Variants in DAAM1 observed in about 807,000 individuals in gnomAD.
DAAM1 encodes the protein disheveled-associated activator of morphogenesis 1.
A neutral mutation model predicts 130.0 loss-of-function variants in DAAM1; 52 were observed. The observed-to-expected ratio is 0.40, with a 90% CI of 0.32 to 0.50. DAAM1 has a LOEUF of 0.50. Ranked by LOEUF, DAAM1 falls within the 20% of genes least tolerant of loss-of-function variation. DAAM1 has a pLI of 0.61. For synonymous variants in DAAM1, 452 were observed against 444.5 expected, an observed-to-expected ratio of 1.02 and a Z score of -0.21; for missense variants, 1,134 against 1,303.8, an observed-to-expected ratio of 0.87 and a Z score of 2.01.
At chr14:59,275,643 T>G (rs1236262983) in intron 2 of DAAM1, among the ~76,000 whole-genome samples, 1 of 152,172 alleles carries the variant, frequency 6.6e-6, no homozygotes, top group African/African-American at 2.4e-5. Flanking sequence ...GTAAAAAAGC[T>G]GAATAAAAAG....
At chr14:59,236,024 A>G (rs1443128883) in intron 1 of DAAM1, among the ~76,000 whole-genome samples, 3 of 152,186 alleles carry the variant, frequency 2.0e-5, no homozygotes, top group African/African-American at 7.2e-5. Flanking sequence ...AAAAAATCCC[A>G]TATTAAATGG....
At position 59,289,201 on chromosome 14, in the gene DAAM1, C is replaced by T. The variant is rs1178521847; in HGVS notation, c.184-2016C>T. Among the ~76,000 whole-genome samples, 3 of 152,266 alleles carry T rather than the reference C, an allele frequency of 2.0e-5. No individual in the cohort carries two copies. In the East Asian group the frequency reaches 5.8e-4, roughly 29 times the overall value. Reference sequence around the variant, plus strand: ...AAGTGCTGGGATTACAGGCATGAGCCACCACACCCGGCCCAACCACACACT... The same window carrying T: ...AAGTGCTGGGATTACAGGCATGAGCTACCACACCCGGCCCAACCACACACT... On this transcript the variant is annotated intron_variant, in intron 2 of 24. Transcript: ENST00000360909.
intron 15 of DAAM1, among the ~76,000 whole-genome samples, chr14:59,332,821 G>A (rs1192818091): frequency 6.6e-6 from 1 of 152,196 alleles, no homozygotes; most frequent in Non-Finnish European, 1.5e-5. Flanking sequence ...GACTGAAGAG[G>A]TGGAATGATG....
At chr14:59,308,128 T>C (rs1884441746) in intron 3 of DAAM1, among the ~76,000 whole-genome samples, 1 of 152,214 alleles carries the variant, frequency 6.6e-6, no homozygotes, top group African/African-American at 2.4e-5. Flanking sequence ...GATAGAAATC[T>C]TCCCTCTCAG....
At chr14:59,303,402 A>G (rs1377969222) in intron 3 of DAAM1, among the ~76,000 whole-genome samples, 1 of 152,210 alleles carries the variant, frequency 6.6e-6, no homozygotes, top group Non-Finnish European at 1.5e-5. Context: ...GGGACATACA[A>G]CACAGTAGTT....
At chr14:59,225,463 A>C (rs140931342) in intron 1 of DAAM1, among the ~76,000 whole-genome samples, 2,184 of 152,378 alleles carry the variant, frequency 0.014, 28 homozygotes, top group Middle Eastern at 0.051. Flanking sequence ...TTAGTGAGGC[A>C]ACACTGAAGC....
chr14:59,364,908 A>C (rs569935338), intron 23 of DAAM1, among the ~76,000 whole-genome samples: 1 of 149,742 alleles, frequency 6.7e-6, no homozygotes, highest in South Asian at 2.1e-4. Flanking sequence ...CACCATTCAG[A>C]CCTCCACTGT....
rs1887080115 is a variant in DAAM1, at chr14:59,369,752, C to CCA, written c.*893_*894insCA. 1 of 34,546 alleles carries CCA rather than the reference C, an allele frequency of 2.9e-5. No individual in the cohort carries two copies. The highest frequency in any genetic ancestry group is 1.2e-4 in the African/African-American group (1 of 8,226). The allele number at this position is 34,546 out of a possible 1,614,324, so 2.1% of individuals were successfully genotyped here. A position where few individuals can be genotyped will look rare whatever the true frequency, so the allele number is the denominator to read the frequency against. ...GAATTCTCTGAAGGGATAAAGATTACTAAAAAAAAAAAAAAAAAAAAAAAA... is the reference window on the plus strand; with the variant it reads ...GAATTCTCTGAAGGGATAAAGATTACCATAAAAAAAAAAAAAAAAAAAAAAAA... On this transcript the variant is annotated 3_prime_UTR_variant, in exon 25 of 25. Transcript: ENST00000360909.
chr14:59,363,822 G>T, intron 23 of DAAM1, 40 bp downstream of exon 23: 1 of 1,609,286 alleles, frequency 6.2e-7, no homozygotes, highest in Non-Finnish European at 8.5e-7. Context: ...GTTTGACCGG[G>T]CTGGGCTTCA....
At chr14:59,286,330 T>G (rs2139554574) in intron 2 of DAAM1, among the ~76,000 whole-genome samples, 1 of 152,110 alleles carries the variant, frequency 6.6e-6, no homozygotes, top group South Asian at 2.1e-4. Context: ...CATCAAAAAG[T>G]TAGATCTCAA....
intron 1 of DAAM1, among the ~76,000 whole-genome samples, chr14:59,207,827 T>C (rs1008795319): frequency 2.6e-5 from 4 of 152,190 alleles, no homozygotes; most frequent in Non-Finnish European, 4.4e-5. Context: ...TACCCAGTAA[T>C]CTCTTTTGCC....
intron 1 of DAAM1, among the ~76,000 whole-genome samples, chr14:59,239,900 A>G (rs1457342947): frequency 6.6e-6 from 1 of 152,246 alleles, no homozygotes; most frequent in African/African-American, 2.4e-5. Context: ...TCCAAGCTCC[A>G]AGGAATGATT....
intron 2 of DAAM1, among the ~76,000 whole-genome samples, chr14:59,285,971 T>G (rs1883434043): frequency 6.6e-6 from 1 of 152,144 alleles, no homozygotes; most frequent in South Asian, 2.1e-4. Flanking sequence ...AGAATATATA[T>G]TTTGCTCATC....
chr14:59,225,000 A>G (rs1249160227), intron 1 of DAAM1, among the ~76,000 whole-genome samples: 2 of 150,434 alleles, frequency 1.3e-5, no homozygotes, highest in Non-Finnish European at 1.5e-5. Context: ...CTAGGACTGT[A>G]AGAAATAAAT....
intron 1 of DAAM1, among the ~76,000 whole-genome samples, chr14:59,244,625 T>C (rs994052745): frequency 2.0e-5 from 3 of 152,186 alleles, no homozygotes; most frequent in African/African-American, 7.2e-5. Flanking sequence ...ATTGTGAATC[T>C]GGGAGTGTGT....
chr14:59,298,416 GT>G (rs1884040279), intron 3 of DAAM1, among the ~76,000 whole-genome samples: 1 of 152,102 alleles, frequency 6.6e-6, no homozygotes, highest in Admixed American at 6.6e-5. Flanking sequence ...AAACCACCCA[GT>G]TTTTTTAAGC....
At chr14:59,232,759 G>A (rs1889152037) in intron 1 of DAAM1, among the ~76,000 whole-genome samples, 1 of 151,718 alleles carries the variant, frequency 6.6e-6, no homozygotes, top group Non-Finnish European at 1.5e-5. Context: ...AGTCCTGCAT[G>A]CACTAGTGTT....
intron 1 of DAAM1, among the ~76,000 whole-genome samples, chr14:59,196,984 G>C (rs1414502339): frequency 1.3e-5 from 2 of 152,026 alleles, no homozygotes; most frequent in African/African-American, 4.8e-5. Flanking sequence ...GCAGTGGCGC[G>C]ATCTCGGCTC....
intron 21 of DAAM1, 88 bp downstream of exon 21, chr14:59,359,592 C>T (rs1886624421): frequency 1.1e-6 from 1 of 918,576 alleles, no homozygotes; most frequent in East Asian, 2.6e-5. Flanking sequence ...GAAGTCAGTC[C>T]TTCTATTTGT....
Sources: gnomAD v4.1 joint callset for allele counts (sites outside exome capture counted in the v4.1 genomes callset) on GRCh38, gnomAD v4.1.1 for gene constraint, MANE v1.5 for transcripts, NCBI Gene and HGNC (gene_info 2026-07-23, HGNC 2026-07-21) for gene names.